The following MAPK6 variants were observed in gnomAD, a reference collection of about 807,000 sequenced individuals.
The protein encoded by MAPK6 is mitogen-activated protein kinase 6, also known as ERK-3.
Under a neutral mutation model 59.3 loss-of-function variants are expected in MAPK6, and 19 were observed. The observed-to-expected ratio is 0.32, with a 90% CI of 0.22 to 0.47. MAPK6 has a LOEUF of 0.47. Ranked by LOEUF, MAPK6 falls within the 20% of genes least tolerant of loss-of-function variation. The pLI, the probability that MAPK6 is intolerant of heterozygous loss-of-function variation, is 1.00. For missense variants in MAPK6, 724 were observed against 847.9 expected (o/e 0.85, Z 1.81); for synonymous variants, 316 against 290.3 (o/e 1.09, Z -0.90).
chr15:52,015,814 T>C (rs1482341181), upstream of MAPK6, among the ~76,000 whole-genome samples: 1 of 145,968 alleles, frequency 6.9e-6, no homozygotes, highest in Non-Finnish European at 1.5e-5. Flanking sequence ...TCCCAGCACT[T>C]TGGGAGGCTG....
chr15:52,061,204 C>A (rs2032183506), intron 4 of MAPK6, 95 bp from the exon 5 acceptor site: 1 of 913,070 alleles, frequency 1.1e-6, no homozygotes. Context: ...AAGGTAATCA[C>A]TTAGCTAGTC....
At chr15:51,985,255 A>G (rs2141811008) in intron 2 of MAPK6, among the ~76,000 whole-genome samples, 1 of 151,962 alleles carries the variant, frequency 6.6e-6, no homozygotes, top group East Asian at 1.9e-4. Flanking sequence ...AGGCAGGAGG[A>G]GTGCTTTAGT....
Position 52,066,858 on chromosome 15 carries a change from ATTACC to A in MAPK6, c.*1862_*1866del, listed in dbSNP as rs559138891. 1.4e-4 allele frequency: 22 copies of A among 152,016 alleles called. No individual in the cohort carries two copies. The East Asian group carries it at 4.0e-3, about 28-fold the overall frequency. 9.4% of individuals were successfully genotyped at this position (152,016 alleles called of 1,614,324 possible). A position where few individuals can be genotyped will look rare whatever the true frequency, so the allele number is the denominator to read the frequency against. ...ACGTTATTAATTTAAACATACTCAA[ATTACC>A]TTAAGAGGACAAGCTCTGAAGTGCA... On this transcript the variant is annotated 3_prime_UTR_variant, in exon 6 of 6. Coordinates refer to ENST00000261845, the MANE Select transcript of MAPK6 (RefSeq NM_002748.4).
At chr15:51,988,940 C>T (rs1165121179) in intron 2 of MAPK6, among the ~76,000 whole-genome samples, 3 of 152,006 alleles carry the variant, frequency 2.0e-5, no homozygotes, top group African/African-American at 4.8e-5. Context: ...GTGGAGTGCT[C>T]GAATCCCTGC....
At chr15:51,974,140 T>A (rs575390075) in intron 1 of MAPK6, among the ~76,000 whole-genome samples, 1 of 151,800 alleles carries the variant, frequency 6.6e-6, no homozygotes. Context: ...CTTAAAAAAA[T>A]ATATAGAAAC....
chr15:52,046,956 G>A lies in MAPK6; in HGVS notation c.496G>A (p.Val166Met). The A allele has an allele frequency of 6.2e-7, 1 of 1,610,728 alleles. No homozygotes were observed. Residue 166 changes from valine (V) to methionine (M), a missense_variant, in exon 2 of 6, where the codon GTG becomes ATG. Physicochemically the swap from Val to Met is conservative, Grantham distance 21 (BLOSUM62 1). Around this residue, in one of 4 missense-constraint regions of MAPK6, gnomAD observed 105 missense variants for 191.9 expected, o/e 0.55. Coordinates refer to ENST00000261845, the MANE Select transcript of MAPK6 (RefSeq NM_002748.4). ...ANLFINTEDL[V>M]LKIGDFGLAR... ...TCTTTTCATTAATACGGAAGACTTGGTGCTGAAGATAGGTGACTTTGGTCT... is the reference window on the plus strand; with the variant it reads ...TCTTTTCATTAATACGGAAGACTTGATGCTGAAGATAGGTGACTTTGGTCT...
intron 1 of MAPK6, among the ~76,000 whole-genome samples, chr15:52,029,923 A>G (rs2030963448): frequency 1.3e-5 from 2 of 152,212 alleles, no homozygotes; most frequent in African/African-American, 2.4e-5. Context: ...AGAAATGTAA[A>G]TGAAATAATG....
At chr15:52,051,015 T>A (rs2031759858) in intron 3 of MAPK6, among the ~76,000 whole-genome samples, 1 of 152,086 alleles carries the variant, frequency 6.6e-6, no homozygotes, top group Non-Finnish European at 1.5e-5. Flanking sequence ...TGATAGTGAT[T>A]AAGGCCTTTT....
At chr15:52,030,589 G>A (rs1294632768) in intron 1 of MAPK6, among the ~76,000 whole-genome samples, 1 of 82,790 alleles carries the variant, frequency 1.2e-5, no homozygotes, top group Non-Finnish European at 2.5e-5. Context: ...TGATGGTTGT[G>A]TTTTAGTTAT....
At chr15:52,043,179 C>T (rs904593119) in intron 1 of MAPK6, among the ~76,000 whole-genome samples, 2 of 152,030 alleles carry the variant, frequency 1.3e-5, no homozygotes, top group African/African-American at 4.8e-5. Flanking sequence ...GGGGAGCGAG[C>T]AGGAAGAATC....
chr15:51,981,403 C>T (rs1057313759), intron 1 of MAPK6, among the ~76,000 whole-genome samples: 6 of 149,940 alleles, frequency 4.0e-5, no homozygotes, highest in Non-Finnish European at 7.4e-5. Context: ...AATGGGAGGC[C>T]GAAGCTTGCA....
chr15:52,041,545 C>A (rs955195604), intron 1 of MAPK6, among the ~76,000 whole-genome samples: 1 of 152,154 alleles, frequency 6.6e-6, no homozygotes, highest in South Asian at 2.1e-4. Context: ...GAGATAATGG[C>A]AATTAATAGT....
intron 1 of MAPK6, among the ~76,000 whole-genome samples, 173 bp downstream of exon 1, chr15:52,019,549 C>CGCCCGCCCCCTGCTCGCCCGCCT (rs1283420908): frequency 6.9e-6 from 1 of 145,952 alleles, no homozygotes. Context: ...TTCGGTCTGC[C>CGCCCGCCCCCTGCTCGCCCGCCT]GCCCGCCCCC....
intron 2 of MAPK6, among the ~76,000 whole-genome samples, chr15:51,996,706 T>C (rs1340966467): frequency 6.6e-6 from 1 of 151,756 alleles, no homozygotes; most frequent in East Asian, 1.9e-4. Flanking sequence ...TCCTCCTCCT[T>C]CTTCTTGACA....
At chr15:52,017,313 G>A (rs969784079), upstream of MAPK6, 1 of 152,222 alleles carries the variant, frequency 6.6e-6, no homozygotes, top group African/African-American at 2.4e-5. Context: ...TTGGGGGCAG[G>A]GGGTGGATCT....
chr15:51,995,009 C>A (rs2057220523), intron 2 of MAPK6, among the ~76,000 whole-genome samples: 1 of 152,168 alleles, frequency 6.6e-6, no homozygotes, highest in South Asian at 2.1e-4. Flanking sequence ...TGCTTATTAG[C>A]AAGAAATACT....
intron 1 of MAPK6, among the ~76,000 whole-genome samples, chr15:52,043,742 A>ATTTTTTTTTTTTT (rs71130125): frequency 2.2e-4 from 9 of 40,662 alleles, no homozygotes; most frequent in Non-Finnish European, 2.7e-4. Flanking sequence ...AAGTTGTTTG[A>ATTTTTTTTTTTTT]TTTTTTTTTT....
At chr15:51,983,582 G>C (rs2057181565) in intron 2 of MAPK6, among the ~76,000 whole-genome samples, 1 of 152,040 alleles carries the variant, frequency 6.6e-6, no homozygotes, top group African/African-American at 2.4e-5. Context: ...GGCCTAGGTG[G>C]GTGGATTGCT....
chr15:52,049,571 ACC>A (rs2141094029), intron 2 of MAPK6, among the ~76,000 whole-genome samples: 1 of 147,200 alleles, frequency 6.8e-6, no homozygotes, highest in East Asian at 2.0e-4. Context: ...CAAGTGATCC[ACC>A]TACCTCGGCC....
Sources: allele counts gnomAD v4.1 joint callset (sites outside exome capture counted in the v4.1 genomes callset), GRCh38; gene constraint gnomAD v4.1.1; regional missense constraint gnomAD v4.1.1; transcripts MANE v1.5; gene names NCBI Gene and HGNC (gene_info 2026-07-23, HGNC 2026-07-21).